TAF12: variants seen among roughly 807,000 people sequenced by gnomAD.
TAF12 encodes transcription initiation factor TFIID subunit 12.
A neutral mutation model predicts 20.8 loss-of-function variants in TAF12; 3 were observed. The ratio of observed to expected loss-of-function variants is 0.14; its 90% CI spans 0.07 to 0.37. TAF12 has a LOEUF of 0.37. TAF12 is among the 10% of genes least tolerant of loss of function. The pLI, the probability that TAF12 is intolerant of heterozygous loss-of-function variation, is 1.00. For missense variants in TAF12, 131 were observed against 197.9 expected (o/e 0.66, Z 2.03); for synonymous variants, 69 against 70.2 (o/e 0.98, Z 0.09).
intron 1 of TAF12, among the ~76,000 whole-genome samples, chr1:28,627,831 C>T (rs1007243688): frequency 5.3e-5 from 8 of 152,116 alleles, no homozygotes; most frequent in Non-Finnish European, 8.8e-5. Context: ...ACTAAGCAAA[C>T]GATTTCTTCC....
At chr1:28,613,060 G>A (rs1329859743) in intron 4 of TAF12, among the ~76,000 whole-genome samples, 187 bp downstream of exon 4, 1 of 152,224 alleles carries the variant, frequency 6.6e-6, no homozygotes, top group African/African-American at 2.4e-5. Context: ...TCAAACCCAT[G>A]CCTGGGCTCA....
intron 4 of TAF12, among the ~76,000 whole-genome samples, chr1:28,606,378 ATCTGCCTGCC>A (rs1666666322): frequency 6.6e-6 from 1 of 152,080 alleles, no homozygotes; most frequent in Non-Finnish European, 1.5e-5. Context: ...ACCTCAGGTG[ATCTGCCTGCC>A]TCAGCCTCCC....
Position 28,618,112 on chromosome 1 carries a change from T to C in TAF12, c.169-82A>G, listed in dbSNP as rs191713025. Reference sequence around the variant, plus strand: ...ATTACCCTGTAATGAAGAAAGGCTGTCAAATTGTTGGTTTTAGTTTCCACT... The same window carrying C: ...ATTACCCTGTAATGAAGAAAGGCTGCCAAATTGTTGGTTTTAGTTTCCACT... On this transcript the variant is annotated intron_variant, in intron 2 of 5. Transcript: ENST00000373824. 228 of 1,376,716 alleles carry C rather than the reference T, an allele frequency of 1.7e-4. No homozygotes were observed. The Middle Eastern group carries it at 1.9e-3, about 11-fold the overall frequency. 85.3% of individuals were successfully genotyped at this position (1,376,716 alleles called of 1,614,324 possible).
At chr1:28,622,600 A>G (rs918234184) in intron 1 of TAF12, among the ~76,000 whole-genome samples, 2 of 152,134 alleles carry the variant, frequency 1.3e-5, no homozygotes, top group African/African-American at 4.8e-5. Context: ...GTACAAAAAT[A>G]AACTAGGGCC....
intron 2 of TAF12, 144 bp downstream of exon 2, chr1:28,621,770 A>C: frequency 8.5e-6 from 11 of 1,297,984 alleles, no homozygotes; most frequent in Non-Finnish European, 1.1e-5. Context: ...AACAAACAAA[A>C]AAAGTTAGAA....
At chr1:28,648,140 G>C (rs978794166) in intron 1 of TAF12, 6 of 984,202 alleles carry the variant, frequency 6.1e-6, no homozygotes, top group Admixed American at 6.2e-5. Context: ...GCTAGGGGTG[G>C]CACAAGTTAC....
chr1:28,628,110 C>G (rs375724419), intron 1 of TAF12, among the ~76,000 whole-genome samples: 1 of 151,326 alleles, frequency 6.6e-6, no homozygotes, highest in Non-Finnish European at 1.5e-5. Context: ...AAACACTGTA[C>G]TACTAGATAT....
At chr1:28,643,121 C>T (rs1668095790), upstream of TAF12, 2 of 985,904 alleles carry the variant, frequency 2.0e-6, no homozygotes, top group East Asian at 1.1e-4. Context: ...AACCCGGAAA[C>T]GCGCGGCTCT....
At chr1:28,622,295 G>A in intron 1 of TAF12, 130 bp from the exon 2 acceptor site, 1 of 837,422 alleles carries the variant, frequency 1.2e-6, no homozygotes, top group Non-Finnish European at 1.5e-6. Context: ...CCAGGTGGTA[G>A]CATCACTTGA....
chr1:28,632,920 A>G (rs1667683817), intron 1 of TAF12, among the ~76,000 whole-genome samples: 1 of 151,964 alleles, frequency 6.6e-6, no homozygotes, highest in African/African-American at 2.4e-5. Flanking sequence ...CTGGAGTGCA[A>G]TAGAACGATT....
chr1:28,623,271 C>T (rs376398774), intron 1 of TAF12, among the ~76,000 whole-genome samples: 1 of 152,044 alleles, frequency 6.6e-6, no homozygotes. Flanking sequence ...CCTGTAATCC[C>T]AGCACTTTGG....
At chr1:28,626,046 T>C (rs1667374279) in intron 1 of TAF12, among the ~76,000 whole-genome samples, 1 of 151,464 alleles carries the variant, frequency 6.6e-6, no homozygotes, top group Non-Finnish European at 1.5e-5. Context: ...AGCGGTGTGA[T>C]CTCAGCTCAC....
intron 1 of TAF12, among the ~76,000 whole-genome samples, chr1:28,635,440 G>T (rs1299494038): frequency 6.6e-6 from 1 of 150,786 alleles, no homozygotes; most frequent in Non-Finnish European, 1.5e-5. Flanking sequence ...TGAGTAGCTG[G>T]GTCTACAGGC....
intron 1 of TAF12, among the ~76,000 whole-genome samples, chr1:28,637,710 CCT>C (rs979463340): frequency 9.2e-5 from 14 of 151,978 alleles, no homozygotes; most frequent in Non-Finnish European, 1.3e-4. Context: ...CTTTACCCTC[CCT>C]GTCTGACTTA....
chr1:28,614,903 G>A lies in TAF12; in HGVS notation c.247-1542C>T, dbSNP rs996723766. ...ATGGTTTGATTGAGCTCTGGAGTTCGAGACTAGCCTGGGCAACATGGATGG... is the reference window on the plus strand; with the variant it reads ...ATGGTTTGATTGAGCTCTGGAGTTCAAGACTAGCCTGGGCAACATGGATGG... On this transcript the variant is annotated intron_variant, in intron 3 of 5. Transcript: ENST00000373824. 2.6e-5 allele frequency among the ~76,000 whole-genome samples: 4 copies of A among 151,928 alleles called. No individual in the cohort carries two copies. The East Asian group carries it at 7.8e-4, about 30-fold the overall frequency.
At chr1:28,626,938 C>G (rs1667422087) in intron 1 of TAF12, among the ~76,000 whole-genome samples, 2 of 152,002 alleles carry the variant, frequency 1.3e-5, no homozygotes, top group African/African-American at 4.8e-5. Context: ...TTTTAAAGAT[C>G]TGGAGACAAA....
At chr1:28,611,790 G>A (rs1168979491) in intron 4 of TAF12, among the ~76,000 whole-genome samples, 1 of 152,064 alleles carries the variant, frequency 6.6e-6, no homozygotes, top group African/African-American at 2.4e-5. Context: ...CCAAGTTTAT[G>A]GTATTTTGTT....
chr1:28,603,693 C>T (rs1666575992), intron 5 of TAF12, 119 bp from the exon 6 acceptor site: 1 of 964,488 alleles, frequency 1.0e-6, no homozygotes, highest in Admixed American at 2.0e-5. Flanking sequence ...CCCTCAGAGA[C>T]CTGCAGTCAC....
upstream of TAF12, among the ~76,000 whole-genome samples, chr1:28,644,999 C>T (rs540137113): frequency 2.6e-5 from 4 of 152,052 alleles, no homozygotes; most frequent in African/African-American, 4.8e-5. Flanking sequence ...TGTGTTCAAG[C>T]GATCCTCCTC....
Sources: gnomAD v4.1 joint callset for allele counts (sites outside exome capture counted in the v4.1 genomes callset) on GRCh38, gnomAD v4.1.1 for gene constraint, MANE v1.5 for transcripts, NCBI Gene and HGNC (gene_info 2026-07-23, HGNC 2026-07-21) for gene names.